The following FAT3 variants were observed in gnomAD, a reference collection of about 807,000 sequenced individuals.
The protein encoded by FAT3 is protocadherin Fat 3.
In FAT3, 95 loss-of-function variants were observed where a neutral mutation model predicts 310.2. That is an observed-to-expected ratio of 0.31 (90% confidence interval 0.26 to 0.36). The LOEUF is 0.36. Ranked by LOEUF, FAT3 falls within the 10% of genes least tolerant of loss-of-function variation. The probability of loss-of-function intolerance (pLI) is 1.00; values close to 1 mark genes in which losing one functional copy is unlikely to be tolerated. For missense variants in FAT3, 5,408 were observed against 5,715.6 expected (o/e 0.95, Z 1.74); for synonymous variants, 2,314 against 2,192.9 (o/e 1.06, Z -1.54).
chr11:92,865,329 G>A (rs557864806), intron 21 of FAT3, among the ~76,000 whole-genome samples: 6 of 152,212 alleles, frequency 3.9e-5, no homozygotes, highest in Non-Finnish European at 5.9e-5. Flanking sequence ...AGTTAAACAC[G>A]TTTCACAAGG....
At chr11:92,245,726 G>T (rs777630939) in intron 1 of FAT3, among the ~76,000 whole-genome samples, 6 of 152,136 alleles carry the variant, frequency 3.9e-5, no homozygotes, top group Non-Finnish European at 8.8e-5. Flanking sequence ...AAGGGGCATG[G>T]TTATGTTTGA....
chr11:92,517,976 T>C (rs1041883425), intron 2 of FAT3, among the ~76,000 whole-genome samples: 2 of 152,172 alleles, frequency 1.3e-5, no homozygotes, highest in Non-Finnish European at 2.9e-5. Context: ...AAATAACAGA[T>C]GCTGGAGAGG....
At chr11:92,575,013 G>T (rs1046046747) in intron 3 of FAT3, among the ~76,000 whole-genome samples, 4 of 152,128 alleles carry the variant, frequency 2.6e-5, no homozygotes, top group African/African-American at 9.7e-5. Context: ...CAGAGCTCAA[G>T]CTCTCAGCCA....
chr11:92,532,694 T>G (rs1187397179), intron 3 of FAT3, among the ~76,000 whole-genome samples: 1 of 152,222 alleles, frequency 6.6e-6, no homozygotes, highest in African/African-American at 2.4e-5. Context: ...TTGAACAGCC[T>G]TCTCCAGAAA....
intron 1 of FAT3, among the ~76,000 whole-genome samples, chr11:92,344,447 T>A (rs1291076395): frequency 6.6e-6 from 1 of 152,174 alleles, no homozygotes; most frequent in African/African-American, 2.4e-5. Context: ...TTGCAGTATT[T>A]GTGTTCAAGT....
At chr11:92,808,836 G>A (rs1003165319) in intron 12 of FAT3, among the ~76,000 whole-genome samples, 1 of 152,094 alleles carries the variant, frequency 6.6e-6, no homozygotes, top group Non-Finnish European at 1.5e-5. Context: ...TGAGGCAGGA[G>A]AATGGCGTGA....
chr11:92,807,491 G>C (rs764803253), intron 12 of FAT3, among the ~76,000 whole-genome samples: 1 of 152,090 alleles, frequency 6.6e-6, no homozygotes, highest in Admixed American at 6.5e-5. Context: ...TCAAGTAAGC[G>C]GACATCTCTG....
intron 1 of FAT3, among the ~76,000 whole-genome samples, chr11:92,299,338 C>A (rs1291949336): frequency 6.6e-6 from 1 of 152,010 alleles, no homozygotes; most frequent in South Asian, 2.1e-4. Flanking sequence ...CTGAGCTCTT[C>A]CAAGAGCCAA....
chr11:92,498,051 C>G (rs1952819976), intron 2 of FAT3: 1 of 152,206 alleles, frequency 6.6e-6, no homozygotes, highest in Non-Finnish European at 1.5e-5. Context: ...AAAGAACTGA[C>G]CATCTAACAT....
chr11:92,479,382 C>A (rs975497243), intron 2 of FAT3, among the ~76,000 whole-genome samples: 14 of 152,072 alleles, frequency 9.2e-5, no homozygotes, highest in Non-Finnish European at 1.9e-4. Context: ...GGGCCAAATA[C>A]AGCGACTCCA....
chr11:92,335,779 A>G (rs375974181), intron 1 of FAT3, among the ~76,000 whole-genome samples: 1 of 152,182 alleles, frequency 6.6e-6, no homozygotes, highest in East Asian at 1.9e-4. Flanking sequence ...TGAACATGTT[A>G]TAAAAGGAAA....
intron 1 of FAT3, among the ~76,000 whole-genome samples, chr11:92,296,661 T>C (rs541078447): frequency 6.6e-6 from 1 of 152,184 alleles, no homozygotes; most frequent in East Asian, 1.9e-4. Context: ...AAATATTTAA[T>C]AGATGTCTCA....
chr11:92,376,789 G>C (rs1949359925), intron 2 of FAT3, among the ~76,000 whole-genome samples: 1 of 152,146 alleles, frequency 6.6e-6, no homozygotes, highest in Non-Finnish European at 1.5e-5. Flanking sequence ...GAGTTGCTCA[G>C]ATTTGGCAAA....
At chr11:92,290,381 G>C (rs1188092618) in intron 1 of FAT3, among the ~76,000 whole-genome samples, 2 of 152,080 alleles carry the variant, frequency 1.3e-5, no homozygotes, top group Non-Finnish European at 2.9e-5. Context: ...AAGCCATCAG[G>C]ATATTGAATA....
intron 4 of FAT3, among the ~76,000 whole-genome samples, chr11:92,715,516 C>T (rs1461309983): frequency 6.6e-6 from 1 of 152,004 alleles, no homozygotes; most frequent in Non-Finnish European, 1.5e-5. Context: ...ATTTAATTGA[C>T]AGTCCACAAT....
In FAT3 at chr11:92,835,002, A is replaced by G. The variant is rs1461994629; in HGVS notation, c.10004A>G (p.Asn3335Ser). The G allele has an allele frequency of 6.2e-7, 1 of 1,613,632 alleles. No homozygotes were observed. Among genetic ancestry groups the G allele is most frequent in the Non-Finnish European group, 8.5e-7 (1 of 1,179,830 alleles). ...ATVNINLTDV[N>S]DNPPKFSQDV... ...GTCAACATCAACCTCACAGATGTTA[A>G]TGACAACCCTCCCAAGTTCAGCCAA... Residue 3335 changes from asparagine (N) to serine (S), a missense_variant, in exon 15 of 28, where the codon AAT (asparagine) becomes AGT (serine). Asn to Ser is a conservative substitution (Grantham distance 46). This residue lies in a region of FAT3 where 4,588 missense variants were observed against 4,809.8 expected (regional missense o/e 0.95). Transcript: ENST00000525166.
At chr11:92,851,945 A>G (rs1948840216) in intron 19 of FAT3, among the ~76,000 whole-genome samples, 2 of 152,314 alleles carry the variant, frequency 1.3e-5, no homozygotes, top group South Asian at 2.1e-4. Context: ...TAACAGGTGT[A>G]TACACTTCCT....
At chr11:92,792,634 C>T in intron 8 of FAT3, 133 bp from the exon 9 acceptor site, 2 of 760,566 alleles carry the variant, frequency 2.6e-6, no homozygotes, top group South Asian at 1.7e-5. Context: ...TTACTGAGCA[C>T]CTACTAGAAG....
intron 19 of FAT3, among the ~76,000 whole-genome samples, chr11:92,854,346 GAGCTGTGGCTGGGC>G (rs1948914786): frequency 6.6e-6 from 1 of 152,132 alleles, no homozygotes; most frequent in Non-Finnish European, 1.5e-5. Context: ...CCCAGGTCCA[GAGCTGTGGCTGGGC>G]AGCTGTGGCT....
Sources: allele counts gnomAD v4.1 joint callset (sites outside exome capture counted in the v4.1 genomes callset), GRCh38; gene constraint gnomAD v4.1.1; regional missense constraint gnomAD v4.1.1; transcripts MANE v1.5; gene names NCBI Gene and HGNC (gene_info 2026-07-23, HGNC 2026-07-21).